The following SUCLG2 variants were observed in gnomAD, a reference collection of about 807,000 sequenced individuals.
SUCLG2 encodes the protein succinate-CoA ligase GDP-forming subunit beta.
A neutral mutation model predicts 47.9 loss-of-function variants in SUCLG2; 42 were observed. That is an observed-to-expected ratio of 0.88 (90% confidence interval 0.69 to 1.14). The LOEUF (loss-of-function observed/expected upper bound fraction) is 1.14. SUCLG2 is among the 50% of genes most tolerant of loss of function. The pLI is 0.00. For missense variants in SUCLG2, 571 were observed against 525.9 expected (o/e 1.09, Z -0.84); for synonymous variants, 195 against 197.3 (o/e 0.99, Z 0.10).
chr3:67,405,653 T>C (rs1208667048), intron 9 of SUCLG2, among the ~76,000 whole-genome samples: 1 of 152,166 alleles, frequency 6.6e-6, no homozygotes, highest in Non-Finnish European at 1.5e-5. Context: ...TGGCAAGTGT[T>C]AGTGCACACC....
chr3:67,485,712 A>G (rs1183624211), intron 9 of SUCLG2, among the ~76,000 whole-genome samples: 5 of 152,238 alleles, frequency 3.3e-5, no homozygotes, highest in Non-Finnish European at 5.9e-5. Flanking sequence ...AGCGATCATT[A>G]TTTAATATTT....
At chr3:67,570,854 T>G (rs1707589048) in intron 2 of SUCLG2, among the ~76,000 whole-genome samples, 1 of 152,178 alleles carries the variant, frequency 6.6e-6, no homozygotes, top group Non-Finnish European at 1.5e-5. Context: ...TTCCCTGTAA[T>G]GTAATAGTAA....
intron 9 of SUCLG2, among the ~76,000 whole-genome samples, chr3:67,447,821 C>G (rs1291327372): frequency 6.6e-6 from 1 of 152,112 alleles, no homozygotes; most frequent in African/African-American, 2.4e-5. Context: ...CCTCTGCTCC[C>G]GGGTTCAAGT....
At chr3:67,493,200 A>G (rs1705245795) in intron 9 of SUCLG2, among the ~76,000 whole-genome samples, 1 of 152,126 alleles carries the variant, frequency 6.6e-6, no homozygotes, top group African/African-American at 2.4e-5. Flanking sequence ...CATCTATACT[A>G]TTTTTTAGGT....
Position 67,495,820 on chromosome 3 carries a change from T to G in SUCLG2, c.1040A>C (p.Lys347Thr). ...TACCTTAGGATCAGCTGTGAGCAAT[T>G]TGAATGCTTGATATACTTGAGCTTC... ...VKEAQVYQAFKLLTADPKVEA... is the reference protein window; with the variant it reads ...VKEAQVYQAFTLLTADPKVEA... The change falls in exon 9 of 11, where the codon AAA becomes ACA. Residue 347 changes from lysine to threonine, a missense_variant. Lys to Thr is a moderately conservative substitution (Grantham distance 78). Coordinates refer to ENST00000307227, the MANE Select transcript of SUCLG2 (RefSeq NM_003848.4). 1 of 1,613,928 alleles carries G rather than the reference T, an allele frequency of 6.2e-7. No individual in the cohort carries two copies. The highest frequency in any genetic ancestry group is 1.1e-5 in the South Asian group (1 of 91,076).
chr3:67,619,838 CA>C (rs1188390552), intron 1 of SUCLG2, among the ~76,000 whole-genome samples: 2 of 152,124 alleles, frequency 1.3e-5, no homozygotes, highest in African/African-American at 4.8e-5. Flanking sequence ...TAAACATTAG[CA>C]TATTAGCACA....
chr3:67,363,081 T>G (rs1701827400), intron 10 of SUCLG2, among the ~76,000 whole-genome samples: 1 of 152,194 alleles, frequency 6.6e-6, no homozygotes, highest in Admixed American at 6.5e-5. Flanking sequence ...ATTCCTATTT[T>G]AGGTTCTACT....
chr3:67,557,813 G>A (rs944468707), intron 2 of SUCLG2, among the ~76,000 whole-genome samples: 2 of 152,170 alleles, frequency 1.3e-5, no homozygotes, highest in African/African-American at 4.8e-5. Flanking sequence ...GTTCCACAGA[G>A]GGTTTTGATG....
intron 10 of SUCLG2, among the ~76,000 whole-genome samples, chr3:67,398,747 G>T (rs533146461): frequency 2.0e-4 from 31 of 152,202 alleles, no homozygotes; most frequent in Admixed American, 3.3e-4. Context: ...CACTATTCAT[G>T]ATAGCAAAGC....
At chr3:67,455,778 T>G (rs1704169204) in intron 9 of SUCLG2, among the ~76,000 whole-genome samples, 1 of 152,062 alleles carries the variant, frequency 6.6e-6, no homozygotes, top group Non-Finnish European at 1.5e-5. Flanking sequence ...CAAATATGGG[T>G]ATCTGAAAGG....
At chr3:67,540,298 A>T (rs1240009896) in intron 2 of SUCLG2, among the ~76,000 whole-genome samples, 18 of 151,610 alleles carry the variant, frequency 1.2e-4, no homozygotes, top group Non-Finnish European at 1.5e-5. Context: ...TTATTTATCC[A>T]CTGGCTTGAA....
chr3:67,498,885 C>G (rs554678949), intron 7 of SUCLG2, among the ~76,000 whole-genome samples: 8 of 152,246 alleles, frequency 5.3e-5, no homozygotes, highest in African/African-American at 1.9e-4. Context: ...ACACTTGAGT[C>G]TTGAACAACA....
At chr3:67,568,857 A>C (rs1169052324) in intron 2 of SUCLG2, among the ~76,000 whole-genome samples, 1 of 152,220 alleles carries the variant, frequency 6.6e-6, no homozygotes, top group Non-Finnish European at 1.5e-5. Context: ...ACTGCACTCC[A>C]GCCTGGGCGA....
At chr3:67,383,406 A>T (rs1038781375) in intron 10 of SUCLG2, among the ~76,000 whole-genome samples, 2 of 152,204 alleles carry the variant, frequency 1.3e-5, no homozygotes, top group Admixed American at 1.3e-4. Flanking sequence ...TTCTCCTTGA[A>T]TGTGAATCAT....
At position 67,397,901 on chromosome 3, in the gene SUCLG2, C is replaced by G. The variant is rs1006047083; in HGVS notation, c.1183+2830G>C. Among the ~76,000 whole-genome samples the G allele has an allele frequency of 3.3e-5, 5 of 151,142 alleles. No individual in the cohort carries two copies. In the South Asian group the frequency reaches 6.3e-4, roughly 19 times the overall value. ...ACTATCTGATCTTTGACTAACCTGACAAAAAGAAGCAATGGGGAAAGGATT... is the reference window on the plus strand; with the variant it reads ...ACTATCTGATCTTTGACTAACCTGAGAAAAAGAAGCAATGGGGAAAGGATT... On this transcript the variant is annotated intron_variant, in intron 10 of 10. Coordinates refer to ENST00000307227, the MANE Select transcript of SUCLG2 (RefSeq NM_003848.4).
chr3:67,407,135 T>C (rs1702831506), intron 9 of SUCLG2, among the ~76,000 whole-genome samples: 1 of 152,160 alleles, frequency 6.6e-6, no homozygotes, highest in Non-Finnish European at 1.5e-5. Flanking sequence ...AAACAATATA[T>C]AAGTAAATAA....
At chr3:67,407,129 A>G (rs1045906093) in intron 9 of SUCLG2, among the ~76,000 whole-genome samples, 4 of 152,192 alleles carry the variant, frequency 2.6e-5, no homozygotes, top group African/African-American at 9.7e-5. Context: ...ATAGACAAAC[A>G]ATATATAAGT....
chr3:67,631,000 G>C (rs1190742031), intron 1 of SUCLG2, among the ~76,000 whole-genome samples: 1 of 152,148 alleles, frequency 6.6e-6, no homozygotes, highest in Non-Finnish European at 1.5e-5. Flanking sequence ...GCAGACCAAT[G>C]TCCTATGAAG....
chr3:67,650,594 T>C (rs944783987), intron 1 of SUCLG2, among the ~76,000 whole-genome samples: 2 of 151,878 alleles, frequency 1.3e-5, no homozygotes, highest in African/African-American at 4.8e-5. Flanking sequence ...CCATCTCTAC[T>C]AAAAATACAA....
Sources: gnomAD v4.1 joint callset for allele counts (sites outside exome capture counted in the v4.1 genomes callset) on GRCh38, gnomAD v4.1.1 for gene constraint, MANE v1.5 for transcripts, NCBI Gene and HGNC (gene_info 2026-07-23, HGNC 2026-07-21) for gene names.